The following THSD7B variants were observed in gnomAD, a reference collection of about 807,000 sequenced individuals.
THSD7B encodes thrombospondin type 1 domain containing 7B.
THSD7B carries 138 observed loss-of-function variants against 213.6 expected under a neutral mutation model. That is an observed-to-expected ratio of 0.65 (90% confidence interval 0.56 to 0.74). The LOEUF (loss-of-function observed/expected upper bound fraction) is 0.74. Ranked by LOEUF, THSD7B falls within the 30% of genes least tolerant of loss-of-function variation. The pLI is 0.00. For missense variants in THSD7B, 1,931 were observed against 1,991.5 expected (o/e 0.97, Z 0.58); for synonymous variants, 742 against 687.0 (o/e 1.08, Z -1.25).
At chr2:137,125,311 C>G (rs1688613264) in intron 5 of THSD7B, among the ~76,000 whole-genome samples, 1 of 152,188 alleles carries the variant, frequency 6.6e-6, no homozygotes, top group Non-Finnish European at 1.5e-5. Context: ...CCTGCTGCTG[C>G]TTTTTCAACT....
intron 20 of THSD7B, among the ~76,000 whole-genome samples, chr2:137,640,971 A>G (rs1038841245): frequency 4.6e-5 from 7 of 152,208 alleles, no homozygotes; most frequent in Non-Finnish European, 8.8e-5. Flanking sequence ...CAAATCTATG[A>G]TAATATTCTG....
intron 12 of THSD7B, among the ~76,000 whole-genome samples, chr2:137,307,851 G>A (rs75555220): frequency 0.056 from 8,461 of 151,992 alleles, 327 homozygotes; most frequent in East Asian, 0.099. Flanking sequence ...AGGCAACTCC[G>A]GAAGCTGACC....
intron 7 of THSD7B, among the ~76,000 whole-genome samples, chr2:137,214,469 C>T (rs866592023): frequency 6.6e-6 from 1 of 152,098 alleles, no homozygotes; most frequent in African/African-American, 2.4e-5. Context: ...TTCTGGGATA[C>T]GTGTGCAGAA....
chr2:137,160,184 A>C, intron 5 of THSD7B, 29 bp from the exon 6 acceptor site: 1 of 1,599,432 alleles, frequency 6.3e-7, no homozygotes, highest in Non-Finnish European at 8.5e-7. Flanking sequence ...AGAGAATGTG[A>C]CATGGTCCGT....
In THSD7B at chr2:137,405,808, G is replaced by T; in HGVS notation, c.2695+1G>T. 4 of 1,608,254 alleles carry T rather than the reference G, an allele frequency of 2.5e-6. No homozygotes were observed. The highest frequency in any genetic ancestry group is 3.4e-6 in the Non-Finnish European group (4 of 1,177,282). On this transcript the variant is annotated splice_donor_variant, in intron 13 of 27. Transcript: ENST00000409968. LOFTEE classifies it high-confidence loss of function. ...AAAAGTAGGCGGCGACAGCTCACAGGTATAGTGTGCATTTTACTCTTTAGC... is the reference window on the plus strand; with the variant it reads ...AAAAGTAGGCGGCGACAGCTCACAGTTATAGTGTGCATTTTACTCTTTAGC...
At chr2:137,218,993 T>A (rs1024588181) in intron 7 of THSD7B, among the ~76,000 whole-genome samples, 8 of 149,790 alleles carry the variant, frequency 5.3e-5, no homozygotes, top group African/African-American at 1.7e-4. Flanking sequence ...AAAAAAAAAA[T>A]AGAAAATTGA....
chr2:137,062,729 T>C (rs2104882882), intron 3 of THSD7B, among the ~76,000 whole-genome samples: 1 of 151,972 alleles, frequency 6.6e-6, no homozygotes, highest in East Asian at 1.9e-4. Flanking sequence ...CCCAGAAATA[T>C]GGCTTATCTT....
intron 5 of THSD7B, among the ~76,000 whole-genome samples, chr2:137,159,738 G>A (rs1679977039): frequency 6.6e-6 from 1 of 152,116 alleles, no homozygotes; most frequent in Non-Finnish European, 1.5e-5. Flanking sequence ...GATTTTTCTT[G>A]TGTATCTTTG....
intron 12 of THSD7B, among the ~76,000 whole-genome samples, chr2:137,295,665 G>A (rs906844942): frequency 2.6e-5 from 4 of 152,012 alleles, no homozygotes; most frequent in African/African-American, 2.4e-5. Context: ...TAGTAGAAAC[G>A]GGGTTTCACT....
At chr2:137,054,223 T>C (rs957900155) in intron 2 of THSD7B, among the ~76,000 whole-genome samples, 1 of 152,210 alleles carries the variant, frequency 6.6e-6, no homozygotes, top group Non-Finnish European at 1.5e-5. Context: ...GACAACAGAC[T>C]GGAGGAAGGT....
intron 13 of THSD7B, among the ~76,000 whole-genome samples, chr2:137,406,458 C>T (rs1686521146): frequency 6.6e-6 from 1 of 152,050 alleles, no homozygotes; most frequent in Admixed American, 6.6e-5. Flanking sequence ...ATAAAAATGC[C>T]ACAACTTCTC....
chr2:137,475,185 C>A (rs1258748656), intron 15 of THSD7B, among the ~76,000 whole-genome samples: 1 of 152,104 alleles, frequency 6.6e-6, no homozygotes, highest in Non-Finnish European at 1.5e-5. Context: ...TTTTAAGGTA[C>A]TTAACACCCT....
At chr2:137,637,862 T>C (rs1573758012) in intron 20 of THSD7B, among the ~76,000 whole-genome samples, 1 of 152,318 alleles carries the variant, frequency 6.6e-6, no homozygotes, top group African/African-American at 2.4e-5. Context: ...ATTGTCATTA[T>C]CCTTACAAAT....
At chr2:137,604,317 A>C (rs1206475191) in intron 17 of THSD7B, among the ~76,000 whole-genome samples, 1 of 152,098 alleles carries the variant, frequency 6.6e-6, no homozygotes, top group Non-Finnish European at 1.5e-5. Flanking sequence ...TATGTGATAT[A>C]TGTCTTTACT....
chr2:137,087,779 T>C (rs1687866826), intron 3 of THSD7B, among the ~76,000 whole-genome samples: 1 of 152,148 alleles, frequency 6.6e-6, no homozygotes, highest in Non-Finnish European at 1.5e-5. Context: ...ACCATTTTTC[T>C]TCACCAAATT....
intron 15 of THSD7B, among the ~76,000 whole-genome samples, chr2:137,514,144 T>A (rs1369250362): frequency 1.3e-5 from 2 of 152,192 alleles, no homozygotes; most frequent in Admixed American, 6.5e-5. Flanking sequence ...GATATGGTTG[T>A]GATGGTTAAT....
chr2:137,655,386 A>C, intron 21 of THSD7B, 115 bp from the exon 22 acceptor site: 1 of 1,109,012 alleles, frequency 9.0e-7, no homozygotes, highest in Non-Finnish European at 1.3e-6. Flanking sequence ...GCTCACAAGA[A>C]GAGGAAGCTA....
intron 15 of THSD7B, among the ~76,000 whole-genome samples, chr2:137,511,650 T>C (rs1263492628): frequency 6.6e-6 from 1 of 152,160 alleles, no homozygotes; most frequent in Non-Finnish European, 1.5e-5. Context: ...TGGGTTAGGC[T>C]TACTGGCCCC....
At chr2:137,379,754 G>A (rs897599799) in intron 12 of THSD7B, among the ~76,000 whole-genome samples, 1 of 152,194 alleles carries the variant, frequency 6.6e-6, no homozygotes, top group Non-Finnish European at 1.5e-5. Flanking sequence ...AAGAGCTGGA[G>A]TTTGATCCTC....
Sources: gnomAD v4.1 joint callset for allele counts (sites outside exome capture counted in the v4.1 genomes callset) on GRCh38, gnomAD v4.1.1 for gene constraint, MANE v1.5 for transcripts, NCBI Gene and HGNC (gene_info 2026-07-23, HGNC 2026-07-21) for gene names.